The following RCSD1 variants were observed in gnomAD, a reference collection of about 807,000 sequenced individuals.
The protein encoded by RCSD1 is capZ-interacting protein.
A neutral mutation model predicts 42.5 loss-of-function variants in RCSD1; 26 were observed. The ratio of observed to expected loss-of-function variants is 0.61; its 90% CI spans 0.45 to 0.85. RCSD1 has a LOEUF of 0.85. Ranked by LOEUF, RCSD1 falls within the 40% of genes least tolerant of loss-of-function variation. RCSD1 has a pLI of 0.00. For synonymous variants in RCSD1, 220 were observed against 212.2 expected (o/e 1.04, Z -0.32); for missense variants, 571 against 528.3 (o/e 1.08, Z -0.79).
intron 1 of RCSD1, among the ~76,000 whole-genome samples, chr1:167,658,275 T>C (rs1050385596): frequency 1.3e-5 from 2 of 152,350 alleles, no homozygotes; most frequent in South Asian, 4.1e-4. Flanking sequence ...TACATATACA[T>C]TGTGAGCATA....
At chr1:167,654,814 A>C (rs1410763953) in intron 1 of RCSD1, among the ~76,000 whole-genome samples, 1 of 152,152 alleles carries the variant, frequency 6.6e-6, no homozygotes, top group Non-Finnish European at 1.5e-5. Flanking sequence ...CAGTAACTAC[A>C]GTGAGGATGA....
chr1:167,694,119 A>T lies in RCSD1; in HGVS notation c.291A>T (p.Pro97=). ...GACAGGCCAATTTAACCTTTGACCCAGCTGCTCTACTGCCTGGGGCCTCAC... is the reference window on the plus strand; with the variant it reads ...GACAGGCCAATTTAACCTTTGACCCTGCTGCTCTACTGCCTGGGGCCTCAC... The part of the protein sequence containing the change: ...EKLQANLTFD[P]AALLPGASPK... Residue 97 remains proline (P), a synonymous_variant, in exon 5 of 7, where the codon CCA becomes CCT. Coordinates refer to ENST00000367854, the MANE Select transcript of RCSD1 (RefSeq NM_052862.4). 6.2e-7 allele frequency: 1 copy of T among 1,614,204 alleles called. No homozygotes were observed. Among genetic ancestry groups the T allele is most frequent in the Non-Finnish European group, 8.5e-7 (1 of 1,180,040 alleles).
intron 1 of RCSD1, among the ~76,000 whole-genome samples, chr1:167,678,256 T>G (rs1658997202): frequency 6.6e-6 from 1 of 152,194 alleles, no homozygotes; most frequent in South Asian, 2.1e-4. Flanking sequence ...GTTTCTGGCC[T>G]GAAACACTTC....
chr1:167,658,146 A>G (rs958697792), intron 1 of RCSD1, among the ~76,000 whole-genome samples: 5 of 152,154 alleles, frequency 3.3e-5, no homozygotes, highest in African/African-American at 1.2e-4. Context: ...TTTATGCAGC[A>G]GTGCTTTTCT....
chr1:167,671,202 C>T (rs1000187791), intron 1 of RCSD1, among the ~76,000 whole-genome samples: 1 of 152,204 alleles, frequency 6.6e-6, no homozygotes, highest in Non-Finnish European at 1.5e-5. Flanking sequence ...AACTCCACAT[C>T]TTGAAGCCAT....
intron 1 of RCSD1, among the ~76,000 whole-genome samples, chr1:167,670,357 G>GAAAAAAAAAA (rs58634704): frequency 1.5e-5 from 2 of 132,356 alleles, no homozygotes; most frequent in Admixed American, 7.6e-5. Context: ...CTTTGCAAAA[G>GAAAAAAAAAA]AAAAAAAAAA....
intron 1 of RCSD1, among the ~76,000 whole-genome samples, chr1:167,671,898 T>A (rs927563625): frequency 6.6e-6 from 1 of 152,182 alleles, no homozygotes; most frequent in Non-Finnish European, 1.5e-5. Flanking sequence ...CTTGAACTCC[T>A]CAACTGTGCA....
chr1:167,688,549 T>A (rs1195959739), intron 3 of RCSD1, among the ~76,000 whole-genome samples: 1 of 152,134 alleles, frequency 6.6e-6, no homozygotes, highest in Non-Finnish European at 1.5e-5. Flanking sequence ...CCCAGCTGCA[T>A]CTTGGTAGAG....
chr1:167,659,164 G>GT (rs531923378), intron 1 of RCSD1, among the ~76,000 whole-genome samples: 137 of 152,174 alleles, frequency 9.0e-4, no homozygotes, highest in Non-Finnish European at 1.5e-3. Context: ...AAGTACTATC[G>GT]TAAGTTTGAG....
At chr1:167,648,902 T>G (rs981310216) in intron 1 of RCSD1, among the ~76,000 whole-genome samples, 1 of 152,128 alleles carries the variant, frequency 6.6e-6, no homozygotes, top group Non-Finnish European at 1.5e-5. Flanking sequence ...AATAAATATT[T>G]AATAAGTGCC....
chr1:167,697,986 T>G, intron 6 of RCSD1, 144 bp downstream of exon 6: 1 of 1,101,076 alleles, frequency 9.1e-7, no homozygotes. Flanking sequence ...TCGTGCCAAC[T>G]TGTTGGAGAA....
chr1:167,645,632 G>A (rs367632925), intron 1 of RCSD1, among the ~76,000 whole-genome samples: 2 of 152,152 alleles, frequency 1.3e-5, no homozygotes, highest in South Asian at 2.1e-4. Flanking sequence ...TAATAATGAA[G>A]GGGCAAAGAA....
intron 1 of RCSD1, among the ~76,000 whole-genome samples, chr1:167,672,714 T>A (rs1658840131): frequency 6.6e-6 from 1 of 152,192 alleles, no homozygotes; most frequent in South Asian, 2.1e-4. Context: ...TAACCTTAAT[T>A]CCTCATTGCC....
chr1:167,696,705 A>T (rs1659505495), intron 5 of RCSD1, among the ~76,000 whole-genome samples: 1 of 152,122 alleles, frequency 6.6e-6, no homozygotes, highest in African/African-American at 2.4e-5. Context: ...CTCCTGCCTC[A>T]GCCTCCCAAA....
intron 1 of RCSD1, among the ~76,000 whole-genome samples, chr1:167,653,995 C>G (rs1457423792): frequency 1.3e-5 from 2 of 152,200 alleles, no homozygotes; most frequent in Admixed American, 6.5e-5. Context: ...AGCTTTGTCA[C>G]CTTTGTCATT....
At chr1:167,691,006 G>C (rs575453153) in intron 4 of RCSD1, among the ~76,000 whole-genome samples, 1 of 152,258 alleles carries the variant, frequency 6.6e-6, no homozygotes, top group East Asian at 1.9e-4. Flanking sequence ...GCTTTCACAG[G>C]TGATATAATA....
intron 1 of RCSD1, chr1:167,641,334 A>G (rs1363086230): frequency 6.6e-6 from 1 of 152,222 alleles, no homozygotes; most frequent in Non-Finnish European, 1.5e-5. Context: ...GCAAGATTAT[A>G]AAATCCTATT....
chr1:167,685,988 C>T (rs1659226449), intron 3 of RCSD1, among the ~76,000 whole-genome samples: 1 of 152,172 alleles, frequency 6.6e-6, no homozygotes, highest in South Asian at 2.1e-4. Context: ...TTCAAGATCA[C>T]TGGAAGAAAA....
intron 6 of RCSD1, among the ~76,000 whole-genome samples, chr1:167,700,548 G>A (rs1054033318): frequency 1.3e-5 from 2 of 151,992 alleles, no homozygotes; most frequent in Admixed American, 1.3e-4. Flanking sequence ...CTACTTAGGA[G>A]GCTGAGGCAG....
Sources: allele counts gnomAD v4.1 joint callset (sites outside exome capture counted in the v4.1 genomes callset), GRCh38; gene constraint gnomAD v4.1.1; transcripts MANE v1.5; gene names NCBI Gene and HGNC (gene_info 2026-07-23, HGNC 2026-07-21).